The following NUP214 variants were observed in gnomAD, a reference collection of about 807,000 sequenced individuals.
The protein encoded by NUP214 is nucleoporin 214, also known as nuclear pore complex protein Nup214.
A neutral mutation model predicts 196.2 loss-of-function variants in NUP214; 79 were observed. The observed-to-expected ratio is 0.40, with a 90% CI of 0.34 to 0.49. The LOEUF is 0.49. NUP214 is among the 20% of genes least tolerant of loss of function. The probability of loss-of-function intolerance (pLI) is 0.58; values close to 1 mark genes in which losing one functional copy is unlikely to be tolerated. For synonymous variants in NUP214, 1,020 were observed against 990.5 expected, an observed-to-expected ratio of 1.03 and a Z score of -0.56; for missense variants, 2,468 against 2,539.0, an observed-to-expected ratio of 0.97 and a Z score of 0.60.
At chr9:131,190,441 C>G (rs1388455609) in intron 26 of NUP214, 31 of 692,170 alleles carry the variant, frequency 4.5e-5, no homozygotes, top group Non-Finnish European at 7.3e-5. Context: ...GAAATCCTCT[C>G]TTTTGTTACG....
intron 33 of NUP214, chr9:131,230,348 A>C (rs1834841170): frequency 2.3e-6 from 1 of 439,808 alleles, no homozygotes. Flanking sequence ...TGTACTGCAT[A>C]GTTCCCAAAT....
Position 131,148,292 on chromosome 9 carries a change from T to C in NUP214, c.2040+708T>C, listed in dbSNP as rs952575865. 2.6e-5 allele frequency among the ~76,000 whole-genome samples: 4 copies of C among 152,256 alleles called. No homozygotes were observed. In the South Asian group the frequency reaches 8.3e-4, roughly 32 times the overall value. ...TATCTGGCTGCTTTGTTCAACATTA[T>C]GTTTGTGAGATTTATCCATGTCGTT... On this transcript the variant is annotated intron_variant, in intron 14 of 35. Coordinates refer to ENST00000359428, the MANE Select transcript of NUP214 (RefSeq NM_005085.4).
chr9:131,192,169 CTTTTTTTTTTTT>C (rs66652901), intron 26 of NUP214, 27 bp from the exon 27 acceptor site: 23 of 447,482 alleles, frequency 5.1e-5, no homozygotes, highest in East Asian at 3.5e-4. Flanking sequence ...TTGTAATATT[CTTTTTTTTTTTT>C]TTTTTTTTTT....
At chr9:131,201,801 G>C in intron 30 of NUP214, 84 bp downstream of exon 30, 1 of 1,179,934 alleles carries the variant, frequency 8.5e-7, no homozygotes, top group South Asian at 1.2e-5. Flanking sequence ...AGTTCGTGTT[G>C]TATATCTAAA....
Position 131,157,527 on chromosome 9 carries a change from C to T in NUP214, c.2437-1856C>T, listed in dbSNP as rs182390072. 4.3e-3 allele frequency among the ~76,000 whole-genome samples: 583 copies of T among 134,942 alleles called. 5 individuals carry two copies. The highest frequency in any genetic ancestry group is 0.015 in the African/African-American group (548 of 35,524). The allele number at this position is 134,942 out of a possible 152,430, so 88.5% of individuals were successfully genotyped here. On this transcript the variant is annotated intron_variant, in intron 17 of 35. Transcript: ENST00000359428. ...TTGCCCAGGCTGGAGTGCAGTGGTG[C>T]GATCTCAGCTCACTGCAACCTCAGC...
intron 31 of NUP214, among the ~76,000 whole-genome samples, chr9:131,221,402 C>T (rs941209952): frequency 2.6e-5 from 4 of 152,284 alleles, no homozygotes; most frequent in African/African-American, 9.6e-5. Context: ...TTTGAGGTGA[C>T]TGGGTCCCAA....
chr9:131,206,425 C>T (rs528072309), intron 30 of NUP214, among the ~76,000 whole-genome samples: 9 of 151,784 alleles, frequency 5.9e-5, no homozygotes, highest in African/African-American at 2.2e-4. Context: ...AGATTAGAGA[C>T]ATGAGCCACT....
chr9:131,141,613 G>C (rs1442924333), intron 11 of NUP214: 2 of 151,474 alleles, frequency 1.3e-5, no homozygotes, highest in Non-Finnish European at 2.9e-5. Context: ...CAAGTAGCTG[G>C]AACTACAAGC....
chr9:131,147,381 CA>C (rs1441918756), intron 13 of NUP214, 108 bp from the exon 14 acceptor site: 6 of 776,886 alleles, frequency 7.7e-6, no homozygotes, highest in Admixed American at 4.7e-5. Flanking sequence ...GAAAGTGGGC[CA>C]GGGGCAATGT....
intron 29 of NUP214, 68 bp from the exon 30 acceptor site, chr9:131,201,575 ACAAC>A (rs1424041255): frequency 3.1e-6 from 4 of 1,282,954 alleles, no homozygotes; most frequent in Admixed American, 3.9e-5. Flanking sequence ...AAAAAAAAAA[ACAAC>A]AAAACTTTAA....
At chr9:131,221,107 G>A (rs1364548060) in intron 31 of NUP214, among the ~76,000 whole-genome samples, 1 of 152,242 alleles carries the variant, frequency 6.6e-6, no homozygotes, top group Non-Finnish European at 1.5e-5. Context: ...ATTGTCAAAT[G>A]TACTGCCATT....
chr9:131,165,133 A>T (rs1383887301), intron 21 of NUP214: 1 of 152,164 alleles, frequency 6.6e-6, no homozygotes, highest in African/African-American at 2.4e-5. Flanking sequence ...AAAGGAGAAT[A>T]AAAAATATTA....
chr9:131,209,744 A>G (rs1032428134), intron 30 of NUP214, among the ~76,000 whole-genome samples: 2 of 152,226 alleles, frequency 1.3e-5, no homozygotes, highest in Non-Finnish European at 2.9e-5. Flanking sequence ...AAAGACTTGT[A>G]AGTGCAACAA....
chr9:131,145,982 C>T (rs1832076857), intron 12 of NUP214, 147 bp from the exon 13 acceptor site: 2 of 705,798 alleles, frequency 2.8e-6, no homozygotes, highest in African/African-American at 1.8e-5. Context: ...AATAGCTAAA[C>T]ATTTTTGTTT....
chr9:131,138,146 C>T (rs1270438852), intron 9 of NUP214, among the ~76,000 whole-genome samples: 2 of 151,682 alleles, frequency 1.3e-5, no homozygotes, highest in Non-Finnish European at 2.9e-5. Context: ...CTCTCTCTCT[C>T]TTTTTTCTTC....
In NUP214 at chr9:131,215,345, G is replaced by A; in HGVS notation, c.5726G>A (p.Gly1909Asp). The A allele has an allele frequency of 6.3e-7, 1 of 1,599,524 alleles. No homozygotes were observed. Among genetic ancestry groups the A allele is most frequent in the Non-Finnish European group, 8.5e-7 (1 of 1,173,102 alleles). ...NKNPFSSASG[G>D]FGSTATSNTS... ...AACCCATTCAGCTCGGCCAGTGGGG[G>A]CTTTGGATCCACAGCTACCTCAAGT... The change falls in exon 31 of 36, where the codon GGC (glycine) becomes GAC (aspartate). Residue 1909 changes from glycine to aspartate, a missense_variant. This residue lies in a region of NUP214 where 262 missense variants were observed against 296.5 expected (regional missense o/e 0.88). Transcript: ENST00000359428.
Position 131,176,971 on chromosome 9 carries a change from C to T in NUP214, c.3320-1340C>T, listed in dbSNP as rs144684531. On this transcript the variant is annotated intron_variant, in intron 23 of 35. Transcript: ENST00000359428. ...AAATCTTTAAAATGCATAAGACACC[C>T]CCACAACAAAGGGTTATCTAGCCCC... Among the ~76,000 whole-genome samples the T allele has an allele frequency of 2.0e-5, 3 of 152,234 alleles. No homozygotes were observed. The East Asian group carries it at 5.8e-4, about 29-fold the overall frequency.
In NUP214 at chr9:131,198,077, A is replaced by G; in HGVS notation, c.4583A>G (p.Gln1528Arg). ...LEEQQSAQLP[Q>R]APPQTSDSVK... ...GAGCAACAGTCAGCCCAGCTTCCCCAGGCTCCTCCGCAAACTTCTGACTCT... is the reference window on the plus strand; with the variant it reads ...GAGCAACAGTCAGCCCAGCTTCCCCGGGCTCCTCCGCAAACTTCTGACTCT... The change falls in exon 29 of 36, where the codon CAG becomes CGG. Residue 1528 changes from glutamine (Q) to arginine (R), a missense_variant. Physicochemically the swap from Gln to Arg is conservative, Grantham distance 43 (BLOSUM62 1). Coordinates refer to ENST00000359428, the MANE Select transcript of NUP214 (RefSeq NM_005085.4). The G allele has an allele frequency of 3.1e-6, 5 of 1,614,112 alleles. No homozygotes were observed. Among genetic ancestry groups the G allele is most frequent in the Non-Finnish European group, 4.2e-6 (5 of 1,180,004 alleles).
chr9:131,132,111 TTTTC>T (rs1342455313), intron 5 of NUP214, among the ~76,000 whole-genome samples: 2 of 68,298 alleles, frequency 2.9e-5, no homozygotes, highest in Non-Finnish European at 2.9e-5. Flanking sequence ...GTTTCTTTTC[TTTTC>T]TTTCTTTTTT....
Sources: gnomAD v4.1 joint callset for allele counts (sites outside exome capture counted in the v4.1 genomes callset) on GRCh38, gnomAD v4.1.1 for gene constraint, gnomAD v4.1.1 regional missense constraint, MANE v1.5 for transcripts, NCBI Gene and HGNC (gene_info 2026-07-23, HGNC 2026-07-21) for gene names.